Variants in ANKAR observed in about 807,000 individuals in gnomAD.
ANKAR encodes ankyrin and armadillo repeat-containing protein.
A neutral mutation model predicts 146.2 loss-of-function variants in ANKAR; 136 were observed. The observed-to-expected ratio is 0.93, with a 90% CI of 0.81 to 1.07. ANKAR has a LOEUF of 1.07. ANKAR is among the 50% of genes least tolerant of loss of function. The pLI is 0.00. For missense variants in ANKAR, 1,567 were observed against 1,679.9 expected (o/e 0.93, Z 1.18); for synonymous variants, 500 against 575.8 (o/e 0.87, Z 1.88).
intron 7 of ANKAR, among the ~76,000 whole-genome samples, chr2:189,698,273 A>T (rs1163458634): frequency 6.6e-6 from 1 of 151,892 alleles, no homozygotes; most frequent in African/African-American, 2.4e-5. Context: ...TTCTACTCAT[A>T]GTTATTTATT....
downstream of ANKAR, chr2:189,762,839 G>A (rs2047329533): frequency 2.0e-6 from 2 of 985,412 alleles, no homozygotes; most frequent in Non-Finnish European, 2.4e-6. Flanking sequence ...CTGCTGTTCC[G>A]CTAGCGAGCG....
chr2:189,742,892 A>ACACG (rs1559147394), intron 20 of ANKAR, among the ~76,000 whole-genome samples: 1 of 110,112 alleles, frequency 9.1e-6, no homozygotes, highest in South Asian at 3.4e-4. Context: ...ACACACACAC[A>ACACG]CTAGAATTAC....
intron 8 of ANKAR, among the ~76,000 whole-genome samples, chr2:189,706,603 T>C (rs1036819190): frequency 9.9e-5 from 15 of 152,174 alleles, no homozygotes; most frequent in Non-Finnish European, 7.3e-5. Context: ...ATTTGCAAAA[T>C]GGCTGATGAT....
downstream of ANKAR, chr2:189,761,705 T>C: frequency 2.1e-6 from 3 of 1,440,092 alleles, no homozygotes; most frequent in Non-Finnish European, 2.7e-6. Context: ...CAACTGACAT[T>C]AGCCAGCTTA....
At chr2:189,706,221 C>T (rs2038926400) in intron 8 of ANKAR, among the ~76,000 whole-genome samples, 1 of 151,918 alleles carries the variant, frequency 6.6e-6, no homozygotes. Flanking sequence ...AACCCCGTCT[C>T]TACTAAAAAT....
chr2:189,676,555 T>G lies in ANKAR; in HGVS notation c.65T>G (p.Leu22Arg). The G allele has an allele frequency of 6.2e-7, 1 of 1,604,394 alleles. No individual in the cohort carries two copies. Among genetic ancestry groups the G allele is most frequent in the East Asian group, 2.2e-5 (1 of 44,840 alleles). Residue 22 changes from leucine to arginine, a missense_variant, in exon 2 of 23, where the codon CTG (leucine) becomes CGG (arginine). Leu to Arg is a moderately radical substitution (Grantham distance 102). Coordinates refer to ENST00000684021, the MANE Select transcript of ANKAR (RefSeq NM_001378068.1). Reference sequence around the variant, plus strand: ...CAAGTTCAGGATGAAGACACCTACCTGGAAAATTTAGCAATACAAAGAAAT... The same window carrying G: ...CAAGTTCAGGATGAAGACACCTACCGGGAAAATTTAGCAATACAAAGAAAT... ...FEQVQDEDTY[L>R]ENLAIQRNAS...
intron 10 of ANKAR, among the ~76,000 whole-genome samples, chr2:189,718,705 A>G (rs1006814734): frequency 1.3e-5 from 2 of 151,382 alleles, no homozygotes; most frequent in African/African-American, 4.8e-5. Flanking sequence ...AATTGATGTA[A>G]GTATAACAGG....
At chr2:189,728,530 TG>T in intron 14 of ANKAR, 110 bp downstream of exon 14, 1 of 1,462,004 alleles carries the variant, frequency 6.8e-7, no homozygotes, top group Non-Finnish European at 9.2e-7. Context: ...CTCAAACCCC[TG>T]GGCTCAAGTG....
At position 189,727,905 on chromosome 2, in the gene ANKAR, C is replaced by T; in HGVS notation, c.2685C>T (p.Asp895=). 1 of 1,613,954 alleles carries T rather than the reference C, an allele frequency of 6.2e-7. No individual in the cohort carries two copies. Among genetic ancestry groups the T allele is most frequent in the Non-Finnish European group, 8.5e-7 (1 of 1,179,942 alleles). ...SSAAIAEVGR[D]NKEIQDAIAM... ...CTGCAATTGCTGAGGTTGGGCGTGA[C>T]AATAAGGAAATTCAGGATGCTATAG... The change falls in exon 13 of 23, where the codon GAC becomes GAT. Residue 895 remains aspartate (D), a synonymous_variant. Coordinates refer to ENST00000684021, the MANE Select transcript of ANKAR (RefSeq NM_001378068.1).
At position 189,696,316 on chromosome 2, in the gene ANKAR, T is replaced by A. The variant is rs1275761065; in HGVS notation, c.1655T>A (p.Leu552Gln). Residue 552 changes from leucine (L) to glutamine (Q), a missense_variant, in exon 7 of 23, where the codon CTG becomes CAG. Transcript: ENST00000684021. ...LHNRVSIICQ[L>Q]CNANFKVNQR... ...AACAGAGTTTCTATTATATGTCAAC[T>A]GTGCAATGCTAACTTCAAGGTCAAC... The A allele has an allele frequency of 1.2e-6, 2 of 1,614,118 alleles. No individual in the cohort carries two copies. The highest frequency in any genetic ancestry group is 2.2e-5 in the East Asian group (1 of 44,872).
At chr2:189,757,397 T>A (rs1014356714) in intron 18 of ANKAR, among the ~76,000 whole-genome samples, 4 of 152,248 alleles carry the variant, frequency 2.6e-5, no homozygotes, top group Non-Finnish European at 5.9e-5. Context: ...TGTTTCACAA[T>A]GATCTGCTTA....
chr2:189,714,964 AAAAGAG>A (rs1309883086), intron 10 of ANKAR, among the ~76,000 whole-genome samples: 8 of 143,794 alleles, frequency 5.6e-5, no homozygotes, highest in Non-Finnish European at 9.3e-5. Flanking sequence ...AAAAAAAAAA[AAAAGAG>A]AGAGAGAGAG....
intron 7 of ANKAR, among the ~76,000 whole-genome samples, chr2:189,704,801 T>C (rs972183932): frequency 6.6e-6 from 1 of 151,484 alleles, no homozygotes; most frequent in African/African-American, 2.4e-5. Flanking sequence ...TTTTTAAAAA[T>C]TTTTGTTTTT....
chr2:189,689,436 A>G (rs1340603755), intron 2 of ANKAR, 91 bp from the exon 3 acceptor site: 1 of 1,095,520 alleles, frequency 9.1e-7, no homozygotes, highest in African/African-American at 1.6e-5. Flanking sequence ...GTAGGATTTC[A>G]TGATAAAATC....
intron 18 of ANKAR, among the ~76,000 whole-genome samples, chr2:189,759,377 T>A (rs1165464074): frequency 1.3e-5 from 2 of 152,158 alleles, no homozygotes; most frequent in Non-Finnish European, 2.9e-5. Context: ...GCCTCCCAAG[T>A]AGCTGCGACT....
intron 18 of ANKAR, among the ~76,000 whole-genome samples, chr2:189,760,405 C>T (rs1031767081): frequency 1.3e-5 from 2 of 152,042 alleles, no homozygotes; most frequent in African/African-American, 4.8e-5. Context: ...CCAGACGGGG[C>T]GGCTGCTGGG....
intron 4 of ANKAR, 54 bp from the exon 5 acceptor site, chr2:189,693,019 TA>T (rs2036655449): frequency 4.4e-6 from 4 of 919,230 alleles, no homozygotes; most frequent in Non-Finnish European, 6.5e-6. Flanking sequence ...AGAATTCTTA[TA>T]ATTGTTTAGA....
Position 189,706,923 on chromosome 2 carries a change from T to G in ANKAR, c.1911-15T>G, listed in dbSNP as rs370512667. 15 of 1,591,702 alleles carry G rather than the reference T, an allele frequency of 9.4e-6. No homozygotes were observed. The African/African-American group carries it at 1.5e-4, about 16-fold the overall frequency. On this transcript the variant is annotated splice_polypyrimidine_tract_variant and intron_variant, in intron 8 of 22. Transcript: ENST00000684021. ...ACTCTATGCGTGTTTAATTGTTATGTTTCTTAATTTTTAGGAATCAGTGCA... is the reference window on the plus strand; with the variant it reads ...ACTCTATGCGTGTTTAATTGTTATGGTTCTTAATTTTTAGGAATCAGTGCA...
chr2:189,743,991 C>T (rs2043710069), intron 21 of ANKAR, among the ~76,000 whole-genome samples: 1 of 152,104 alleles, frequency 6.6e-6, no homozygotes, highest in Non-Finnish European at 1.5e-5. Context: ...ACTTAACTCC[C>T]CCCAAAAAGG....
Sources: allele counts gnomAD v4.1 joint callset (sites outside exome capture counted in the v4.1 genomes callset), GRCh38; gene constraint gnomAD v4.1.1; transcripts MANE v1.5; gene names NCBI Gene and HGNC (gene_info 2026-07-23, HGNC 2026-07-21).